KHDRBS1: variants seen among roughly 807,000 people sequenced by gnomAD.
KHDRBS1 encodes the protein KH domain-containing, RNA-binding, signal transduction-associated protein 1.
In KHDRBS1, 7 loss-of-function variants were observed where a neutral mutation model predicts 48.4. That is an observed-to-expected ratio of 0.14 (90% confidence interval 0.08 to 0.27). The LOEUF is 0.27. KHDRBS1 is among the 10% of genes least tolerant of loss of function. The pLI is 1.00. For synonymous variants in KHDRBS1, 241 were observed against 235.8 expected (o/e 1.02, Z -0.20); for missense variants, 458 against 601.2 (o/e 0.76, Z 2.49).
intron 3 of KHDRBS1, among the ~76,000 whole-genome samples, chr1:32,032,044 G>A (rs1557894263): frequency 6.6e-6 from 1 of 152,194 alleles, no homozygotes; most frequent in Admixed American, 6.5e-5. Flanking sequence ...TAATGTGAGA[G>A]CAGATGAGTT....
At chr1:32,015,625 A>G (rs982088577) in intron 1 of KHDRBS1, among the ~76,000 whole-genome samples, 11 of 152,204 alleles carry the variant, frequency 7.2e-5, no homozygotes, top group African/African-American at 2.7e-4. Flanking sequence ...TGCTTAACTA[A>G]GAGAGTGCTC....
intron 4 of KHDRBS1, among the ~76,000 whole-genome samples, chr1:32,034,677 A>T (rs1443804398): frequency 1.3e-5 from 2 of 151,802 alleles, no homozygotes; most frequent in African/African-American, 4.8e-5. Context: ...CCTCATCTTC[A>T]TTAGAATGTT....
At chr1:32,040,156 G>A (rs1454155092) in intron 8 of KHDRBS1, among the ~76,000 whole-genome samples, 1 of 152,170 alleles carries the variant, frequency 6.6e-6, no homozygotes, top group Admixed American at 6.5e-5. Flanking sequence ...GCTCATGCCT[G>A]TAATCCCAAC....
chr1:32,050,922 A>T (rs1569823099), intron 10 of KHDRBS1, among the ~76,000 whole-genome samples: 1 of 151,408 alleles, frequency 6.6e-6, no homozygotes, highest in African/African-American at 2.4e-5. Context: ...ACAGAGTCTC[A>T]CTCTGTCACC....
chr1:32,053,912 G>A (rs1164509454), intron 10 of KHDRBS1, among the ~76,000 whole-genome samples: 2 of 151,966 alleles, frequency 1.3e-5, no homozygotes, highest in African/African-American at 4.8e-5. Context: ...GAGAAACCCC[G>A]TCTCTACTAA....
intron 1 of KHDRBS1, among the ~76,000 whole-genome samples, chr1:32,029,645 G>A (rs1486664569): frequency 1.3e-5 from 2 of 152,178 alleles, no homozygotes; most frequent in South Asian, 2.1e-4. Flanking sequence ...CAAAAAGAGC[G>A]AAACTCCATT....
Position 32,038,593 on chromosome 1 carries a change from C to T in KHDRBS1, c.1149C>T (p.Tyr383=), listed in dbSNP as rs755833134. ...DTYAEQSYEG[Y]EGYYSQSQGD... is the part of the protein sequence containing the mutation. Reference sequence around the variant, plus strand: ...ACGCAGAACAAAGTTACGAAGGCTACGAAGGCTATTACAGCCAGAGTCAAG... The same window carrying T: ...ACGCAGAACAAAGTTACGAAGGCTATGAAGGCTATTACAGCCAGAGTCAAG... Residue 383 remains tyrosine, a synonymous_variant, in exon 7 of 9, where the codon TAC becomes TAT. Coordinates refer to ENST00000327300, the MANE Select transcript of KHDRBS1 (RefSeq NM_006559.3). 3.3e-5 allele frequency: 54 copies of T among 1,613,752 alleles called. 1 individual carries two copies. The highest frequency in any genetic ancestry group is 1.7e-4 in the Admixed American group (10 of 59,986).
chr1:32,040,150 A>G (rs1030028667), intron 8 of KHDRBS1, among the ~76,000 whole-genome samples: 1 of 152,180 alleles, frequency 6.6e-6, no homozygotes, highest in Non-Finnish European at 1.5e-5. Context: ...GTGGTGGCTC[A>G]TGCCTGTAAT....
At chr1:32,021,139 A>G (rs1003344658) in intron 1 of KHDRBS1, among the ~76,000 whole-genome samples, 2 of 152,156 alleles carry the variant, frequency 1.3e-5, no homozygotes, top group Non-Finnish European at 2.9e-5. Flanking sequence ...AAAATTTTCA[A>G]AGTTGCAAAG....
At chr1:32,042,138 A>G (rs184477948) in intron 8 of KHDRBS1, among the ~76,000 whole-genome samples, 45 of 152,326 alleles carry the variant, frequency 3.0e-4, no homozygotes, top group Non-Finnish European at 5.7e-4. Flanking sequence ...GTGCCTGCCA[A>G]ATTGTTTTGG....
At chr1:32,019,753 A>T (rs1465441040) in intron 1 of KHDRBS1, among the ~76,000 whole-genome samples, 1 of 151,758 alleles carries the variant, frequency 6.6e-6, no homozygotes, top group Non-Finnish European at 1.5e-5. Context: ...TATCTGTGAT[A>T]TTGCAGGTTT....
chr1:32,051,589 C>T (rs1438951957), intron 10 of KHDRBS1, among the ~76,000 whole-genome samples: 3 of 152,316 alleles, frequency 2.0e-5, no homozygotes, highest in Non-Finnish European at 4.4e-5. Context: ...TCAGAGGCAG[C>T]GCTCCAGCAT....
chr1:32,021,304 C>G (rs1180166337), intron 1 of KHDRBS1, among the ~76,000 whole-genome samples: 1 of 151,806 alleles, frequency 6.6e-6, no homozygotes, highest in Non-Finnish European at 1.5e-5. Flanking sequence ...CCTTTCTATA[C>G]CCATAGCCAA....
chr1:32,059,179 AAAAAAC>A (rs1464667109), intron 10 of KHDRBS1, among the ~76,000 whole-genome samples: 1 of 151,348 alleles, frequency 6.6e-6, no homozygotes. Flanking sequence ...AAAAAAAAAA[AAAAAAC>A]AAAACCTTTT....
chr1:32,023,769 G>A lies in KHDRBS1; in HGVS notation c.383-6529G>A, dbSNP rs74447662. Among the ~76,000 whole-genome samples, 566 of 152,306 alleles carry A rather than the reference G, an allele frequency of 3.7e-3. 7 individuals carry two copies. Among genetic ancestry groups the A allele is most frequent in the African/African-American group, 0.013 (554 of 41,566 alleles). ...ACAGAGTTGAAAAAGAAAAAAGAAA[G>A]ACCAGACCATCAGACAACTGAACAT... is the stretch of plus-strand genomic sequence containing the variant. On this transcript the variant is annotated intron_variant, in intron 1 of 8. Transcript: ENST00000327300.
rs150408767 is a variant in KHDRBS1 at position 32,049,603 on chromosome 1, T to C, written n.1301+4213T>C. On this transcript the variant is annotated intron_variant and non_coding_transcript_variant, in intron 10 of 10. Transcript: ENST00000484270. ...GGACATGTTTTCAGTTTCTTGGGTA[T>C]ATACCTAGAAGAATTTCTGGGTTCT... Among the ~76,000 whole-genome samples, 184 of 152,234 alleles carry C rather than the reference T, an allele frequency of 1.2e-3. 1 individual carries two copies. The highest frequency in any genetic ancestry group is 4.1e-3 in the African/African-American group (171 of 41,578).
intron 1 of KHDRBS1, 117 bp from the exon 2 acceptor site, chr1:32,030,181 G>C: frequency 2.7e-6 from 2 of 740,212 alleles, no homozygotes; most frequent in South Asian, 4.0e-5. Flanking sequence ...TCTGAAATTG[G>C]CACATTTGTG....
chr1:32,031,262 A>C (rs1440597458), intron 2 of KHDRBS1, among the ~76,000 whole-genome samples: 1 of 152,180 alleles, frequency 6.6e-6, no homozygotes, highest in Non-Finnish European at 1.5e-5. Flanking sequence ...AAAGTAAAAA[A>C]TAAAATAGTA....
intron 2 of KHDRBS1, among the ~76,000 whole-genome samples, chr1:32,031,110 G>T (rs1639073824): frequency 6.6e-6 from 1 of 152,126 alleles, no homozygotes; most frequent in Admixed American, 6.6e-5. Context: ...TTAGCCTGGT[G>T]TTGTGGTGTG....
Sources: allele counts gnomAD v4.1 joint callset (sites outside exome capture counted in the v4.1 genomes callset), GRCh38; gene constraint gnomAD v4.1.1; transcripts MANE v1.5; gene names NCBI Gene and HGNC (gene_info 2026-07-23, HGNC 2026-07-21).